RNF180: variants seen among roughly 807,000 people sequenced by gnomAD.
The protein encoded by RNF180 is E3 ubiquitin-protein ligase RNF180.
In RNF180, 38 loss-of-function variants were observed where a neutral mutation model predicts 59.2. The ratio of observed to expected loss-of-function variants is 0.64; its 90% CI spans 0.50 to 0.84. RNF180 has a LOEUF of 0.84. Among genes scored for constraint, RNF180 ranks in the 40% least tolerant of loss-of-function variants. RNF180 has a pLI of 0.00. For synonymous variants in RNF180, 262 were observed against 240.3 expected (o/e 1.09, Z -0.84); for missense variants, 705 against 700.9 (o/e 1.01, Z -0.07).
At chr5:64,314,867 A>G (rs1743960225) in intron 5 of RNF180, among the ~76,000 whole-genome samples, 2 of 152,198 alleles carry the variant, frequency 1.3e-5, no homozygotes, top group Admixed American at 6.5e-5. Flanking sequence ...GGATAGTAGT[A>G]TAATAGCTTT....
chr5:64,318,136 GT>G (rs1017870909), intron 5 of RNF180, among the ~76,000 whole-genome samples: 2 of 152,010 alleles, frequency 1.3e-5, no homozygotes, highest in East Asian at 3.9e-4. Context: ...TGTACTATAT[GT>G]TTTTTTCTAT....
rs1031705414 is a variant in RNF180, at chr5:64,264,400, G to C, written c.1227+47004G>C. On this transcript the variant is annotated intron_variant, in intron 5 of 7. Transcript: ENST00000389100. ...TCCCCTTGCCTCCCACCCCCGACAG[G>C]CCCCAGTGTGTGGTATTCCCCTCCC... is the stretch of plus-strand genomic sequence containing the variant. 2.0e-5 allele frequency among the ~76,000 whole-genome samples: 3 copies of C among 151,872 alleles called. No individual in the cohort carries two copies. The South Asian group carries it at 6.2e-4, about 32-fold the overall frequency.
intron 7 of RNF180, among the ~76,000 whole-genome samples, chr5:64,339,704 T>TC (rs1438811597): frequency 2.0e-5 from 3 of 151,996 alleles, no homozygotes; most frequent in South Asian, 4.2e-4. Flanking sequence ...TTTTTTTTTT[T>TC]CACACACACA....
intron 1 of RNF180, among the ~76,000 whole-genome samples, chr5:64,173,795 A>C (rs1579922430): frequency 6.6e-6 from 1 of 150,460 alleles, no homozygotes; most frequent in Non-Finnish European, 1.5e-5. Context: ...GGCTCACTGC[A>C]ACCTCTGCCT....
intron 1 of RNF180, among the ~76,000 whole-genome samples, chr5:64,177,234 C>G (rs1750285610): frequency 6.6e-6 from 1 of 152,022 alleles, no homozygotes; most frequent in Non-Finnish European, 1.5e-5. Context: ...GCCAAACAAC[C>G]CTACACATTC....
At chr5:64,284,319 A>G (rs1007524908) in intron 5 of RNF180, among the ~76,000 whole-genome samples, 1 of 152,168 alleles carries the variant, frequency 6.6e-6, no homozygotes, top group African/African-American at 2.4e-5. Flanking sequence ...GAAGAATCTG[A>G]TGACTGTGTA....
At chr5:64,259,792 A>G (rs948113835) in intron 5 of RNF180, among the ~76,000 whole-genome samples, 62 of 151,920 alleles carry the variant, frequency 4.1e-4, no homozygotes, top group African/African-American at 1.5e-3. Context: ...GTGGTGGTGC[A>G]TGCCTATAAT....
intron 5 of RNF180, among the ~76,000 whole-genome samples, chr5:64,246,003 G>A (rs1417772532): frequency 2.6e-5 from 4 of 152,124 alleles, no homozygotes; most frequent in African/African-American, 9.7e-5. Context: ...TCCTGTTCCT[G>A]AATGACTACT....
At position 64,217,361 on chromosome 5, in the gene RNF180, G is replaced by T. The variant is rs367763458; in HGVS notation, c.1192G>T (p.Gly398Cys). 7.1e-7 allele frequency: 1 copy of T among 1,405,458 alleles called. No individual in the cohort carries two copies. The highest frequency in any genetic ancestry group is 1.8e-5 in the South Asian group (1 of 56,162). The allele number at this position is 1,405,458 out of a possible 1,614,324, so 87.1% of individuals were successfully genotyped here. Residue 398 changes from glycine (G) to cysteine (C), a missense_variant and splice_region_variant, in exon 5 of 8, where the codon GGT becomes TGT. Coordinates refer to ENST00000389100, the MANE Select transcript of RNF180 (RefSeq NM_001113561.2). ...RRRERWLQKQ[G>C]KYSGVGLLDH... The stretch of plus-strand genomic sequence containing the variant: ...TGAACCTAATTTTTTATTTCTCTAG[G>T]GTAAATACTCAGGAGTGGGATTGCT...
chr5:64,195,827 A>G (rs919585548), intron 1 of RNF180, among the ~76,000 whole-genome samples: 37 of 152,316 alleles, frequency 2.4e-4, no homozygotes, highest in African/African-American at 7.0e-4. Context: ...CAAGGTGGGA[A>G]CCAGCCCTGG....
At chr5:64,340,965 CCT>C (rs1745333903) in intron 7 of RNF180, among the ~76,000 whole-genome samples, 1 of 152,200 alleles carries the variant, frequency 6.6e-6, no homozygotes, top group East Asian at 1.9e-4. Context: ...CTACTCTTTC[CCT>C]CTGACTCTTC....
At position 64,289,836 on chromosome 5, in the gene RNF180, A is replaced by T. The variant is rs150881608; in HGVS notation, c.1228-35350A>T. On this transcript the variant is annotated intron_variant, in intron 5 of 7. Coordinates refer to ENST00000389100, the MANE Select transcript of RNF180 (RefSeq NM_001113561.2). ...ATTTTATTAATTTTCTCAAAAAACC[A>T]TCTCTTGGATTTGTTTATTTTTTTT... Among the ~76,000 whole-genome samples the T allele has an allele frequency of 2.7e-3, 416 of 152,002 alleles. 10 individuals are homozygous for T. The highest frequency in any genetic ancestry group is 0.027 in the Admixed American group (407 of 15,254).
At chr5:64,329,529 C>G (rs1744801972) in intron 6 of RNF180, among the ~76,000 whole-genome samples, 1 of 150,376 alleles carries the variant, frequency 6.6e-6, no homozygotes, top group Non-Finnish European at 1.5e-5. Context: ...GCCATCTCAG[C>G]TCACTGCAAC....
intron 5 of RNF180, among the ~76,000 whole-genome samples, chr5:64,261,458 A>G (rs1243157808): frequency 1.3e-5 from 2 of 152,170 alleles, no homozygotes; most frequent in Admixed American, 6.6e-5. Context: ...TGGTATCGCT[A>G]CTTCTTTCAA....
At chr5:64,356,140 G>A (rs1323814541) in intron 7 of RNF180, among the ~76,000 whole-genome samples, 1 of 151,598 alleles carries the variant, frequency 6.6e-6, no homozygotes, top group Non-Finnish European at 1.5e-5. Flanking sequence ...CATGCCTGTA[G>A]TCCTAACTAC....
intron 7 of RNF180, among the ~76,000 whole-genome samples, chr5:64,364,400 A>C (rs1379776912): frequency 6.6e-6 from 1 of 151,762 alleles, no homozygotes; most frequent in African/African-American, 2.4e-5. Context: ...ATTGAACTAC[A>C]CTTGAATCCC....
chr5:64,200,999 T>G (rs1311453981), intron 2 of RNF180, 57 bp downstream of exon 2: 1 of 1,366,064 alleles, frequency 7.3e-7, no homozygotes, highest in East Asian at 2.3e-5. Flanking sequence ...TGTGGGCCTA[T>G]CCACACACAT....
intron 7 of RNF180, among the ~76,000 whole-genome samples, chr5:64,332,169 C>T (rs1015007582): frequency 6.6e-6 from 1 of 152,042 alleles, no homozygotes; most frequent in Non-Finnish European, 1.5e-5. Flanking sequence ...GTTGAACTGG[C>T]CCAGCAGGCA....
At chr5:64,233,207 T>G (rs554719314) in intron 5 of RNF180, among the ~76,000 whole-genome samples, 1 of 152,316 alleles carries the variant, frequency 6.6e-6, no homozygotes, top group South Asian at 2.1e-4. Flanking sequence ...TAAGAAATGT[T>G]TACAAAATGT....
Sources: gnomAD v4.1 joint callset for allele counts (sites outside exome capture counted in the v4.1 genomes callset) on GRCh38, gnomAD v4.1.1 for gene constraint, MANE v1.5 for transcripts, NCBI Gene and HGNC (gene_info 2026-07-23, HGNC 2026-07-21) for gene names.